The following NUP160 variants were observed in gnomAD, a reference collection of about 807,000 sequenced individuals.
NUP160 encodes the protein nuclear pore complex protein Nup160.
A neutral mutation model predicts 196.9 loss-of-function variants in NUP160; 94 were observed. The ratio of observed to expected loss-of-function variants is 0.48; its 90% confidence interval spans 0.40 to 0.57. The LOEUF (loss-of-function observed/expected upper bound fraction) is 0.57. NUP160 is among the 20% of genes least tolerant of loss of function. The probability of loss-of-function intolerance (pLI) is 0.00; values close to 1 mark genes in which losing one functional copy is unlikely to be tolerated. For synonymous variants in NUP160, 605 were observed against 619.7 expected, an observed-to-expected ratio of 0.98 and a Z score of 0.35; for missense variants, 1,638 against 1,748.3, an observed-to-expected ratio of 0.94 and a Z score of 1.13.
chr11:47,778,766 C>CA (rs2135334010), exon 36 of NUP160: 1 of 192,090 alleles, frequency 5.2e-6, no homozygotes, highest in South Asian at 1.0e-4. Context: ...AACAAGCCAA[C>CA]AACCCTCAGC....
At chr11:47,801,705 G>A in intron 23 of NUP160, 106 bp downstream of exon 23, 1 of 1,071,310 alleles carries the variant, frequency 9.3e-7, no homozygotes. Flanking sequence ...GAAGTTCAGG[G>A]AGCAACTGAA....
At chr11:47,791,601 AAGGT>A (rs1182231999) in intron 29 of NUP160, among the ~76,000 whole-genome samples, 1 of 152,066 alleles carries the variant, frequency 6.6e-6, no homozygotes, top group East Asian at 1.9e-4. Flanking sequence ...TCGGCCTCCC[AAGGT>A]GCTGGGATTA....
At chr11:47,820,321 A>C (rs181877752) in intron 9 of NUP160, 117 of 152,316 alleles carry the variant, frequency 7.7e-4, no homozygotes, top group African/African-American at 2.8e-3. Flanking sequence ...TGTATTTTTA[A>C]CTACCTAAGG....
chr11:47,839,544 A>G (rs576899842), intron 4 of NUP160: 107 of 336,834 alleles, frequency 3.2e-4, no homozygotes, highest in Non-Finnish European at 4.8e-4. Flanking sequence ...AATTAATTTA[A>G]TTATAATGTT....
chr11:47,792,476 T>TA, intron 28 of NUP160: 1 of 277,664 alleles, frequency 3.6e-6, no homozygotes, highest in Non-Finnish European at 6.7e-6. Context: ...AACAATCCTA[T>TA]AAAGTAGATA....
At chr11:47,848,314 G>A (rs1347919681) in exon 1 of NUP160, 2 of 1,613,842 alleles carry the variant, frequency 1.2e-6, no homozygotes, top group African/African-American at 2.7e-5. Context: ...TCCCGCCGCC[G>A]CCATCTTCCC....
At chr11:47,824,142 C>T (rs1851922252) in intron 7 of NUP160, among the ~76,000 whole-genome samples, 1 of 149,292 alleles carries the variant, frequency 6.7e-6, no homozygotes, top group South Asian at 2.1e-4. Flanking sequence ...TTCATAATGG[C>T]TGCAGCATTT....
In NUP160 at chr11:47,814,140, T is replaced by TCAAACAAA. The variant is rs111366014; in HGVS notation, c.1687-733_1687-726dup. On this transcript the variant is annotated intron_variant, in intron 13 of 35. Transcript: ENST00000378460. The stretch of plus-strand genomic sequence containing the variant: ...CTGGGTGACACAGCAAGACCCTGCC[T>TCAAACAAA]CAAACAAACAAACAAACAAACAAAC... Among the ~76,000 whole-genome samples the TCAAACAAA allele has an allele frequency of 2.4e-3, 346 of 144,518 alleles. 3 individuals carry two copies. The highest frequency in any genetic ancestry group is 6.6e-3 in the African/African-American group (258 of 38,962). The allele number at this position is 144,518 out of a possible 152,430, so 94.8% of individuals were successfully genotyped here. A position where few individuals can be genotyped will look rare whatever the true frequency, so the allele number is the denominator to read the frequency against.
chr11:47,786,578 T>C (rs1401609357), intron 31 of NUP160, 24 bp from the exon 32 acceptor site: 5 of 1,449,046 alleles, frequency 3.5e-6, no homozygotes, highest in Non-Finnish European at 4.9e-6. Flanking sequence ...GGTTCCACAC[T>C]TGAAAACTGA....
At chr11:47,806,361 T>C in intron 19 of NUP160, 49 bp from the exon 20 acceptor site, 1 of 1,439,412 alleles carries the variant, frequency 6.9e-7, no homozygotes, top group Non-Finnish European at 9.6e-7. Context: ...AATTATCAAT[T>C]TTCAATTAAA....
intron 6 of NUP160, 27 bp downstream of exon 6, chr11:47,836,860 T>G (rs775011304): frequency 6.8e-6 from 9 of 1,326,676 alleles, no homozygotes; most frequent in Non-Finnish European, 9.8e-6. Context: ...TGTTTTAACT[T>G]ACAGCAACTA....
intron 13 of NUP160, among the ~76,000 whole-genome samples, chr11:47,814,161 CAAACAAAA>C (rs1253670644): frequency 9.5e-4 from 139 of 145,864 alleles, no homozygotes; most frequent in Admixed American, 3.4e-3. Context: ...AACAAACAAA[CAAACAAAA>C]AAAAGAAACA....
intron 7 of NUP160, among the ~76,000 whole-genome samples, chr11:47,830,112 A>C (rs1852044885): frequency 6.6e-6 from 1 of 152,224 alleles, no homozygotes; most frequent in Non-Finnish European, 1.5e-5. Flanking sequence ...ATATGAATAA[A>C]AGTTCACTAT....
In NUP160 at chr11:47,847,902, T is replaced by TA; in HGVS notation, c.259dup (p.Tyr87LeufsTer40). 6.2e-7 allele frequency: 1 copy of TA among 1,614,156 alleles called. No individual in the cohort carries two copies. Among genetic ancestry groups the TA allele is most frequent in the Non-Finnish European group, 8.5e-7 (1 of 1,180,028 alleles). On this transcript the variant is annotated frameshift_variant, in exon 2 of 36. Transcript: ENST00000378460. LOFTEE classifies it high-confidence loss of function. Reference sequence around the variant, plus strand: ...GAACAACTTGCCACTCTCCACGTAGTAAAAGCCTCCCGCGCTTTCACTGTA... The same window carrying TA: ...GAACAACTTGCCACTCTCCACGTAGTAAAAAGCCTCCCGCGCTTTCACTGTA...
Position 47,846,827 on chromosome 11 carries a change from T to C in NUP160, c.314+1021A>G, listed in dbSNP as rs567814961. 1.1e-4 allele frequency among the ~76,000 whole-genome samples: 17 copies of C among 152,296 alleles called. No homozygotes were observed. In the South Asian group the frequency reaches 2.5e-3, roughly 22 times the overall value. On this transcript the variant is annotated intron_variant, in intron 2 of 35. Transcript: ENST00000378460. ...AGTATATTGTGTGTATATTCCTATA[T>C]ACATGAGGTTTGGGCTTCTGATGAT...
At chr11:47,822,759 C>T (rs1364278376) in intron 7 of NUP160, among the ~76,000 whole-genome samples, 1 of 152,134 alleles carries the variant, frequency 6.6e-6, no homozygotes. Flanking sequence ...GTGACGTTCC[C>T]CACCCTGTGG....
At chr11:47,811,314 G>A (rs1482973546) in intron 17 of NUP160, among the ~76,000 whole-genome samples, 1 of 151,978 alleles carries the variant, frequency 6.6e-6, no homozygotes, top group African/African-American at 2.4e-5. Context: ...TTTAAGATCA[G>A]CCTGGTCAAC....
At chr11:47,844,037 A>G (rs1224400019) in intron 2 of NUP160, among the ~76,000 whole-genome samples, 1 of 152,136 alleles carries the variant, frequency 6.6e-6, no homozygotes, top group Non-Finnish European at 1.5e-5. Context: ...CTAACTTCCA[A>G]TTGCTCAAGC....
chr11:47,789,864 T>C (rs2097666891), intron 29 of NUP160, among the ~76,000 whole-genome samples: 1 of 151,860 alleles, frequency 6.6e-6, no homozygotes, highest in Non-Finnish European at 1.5e-5. Flanking sequence ...ACTTAGCTAC[T>C]AATAGCCTAC....
Sources: gnomAD v4.1 joint callset for allele counts (sites outside exome capture counted in the v4.1 genomes callset) on GRCh38, gnomAD v4.1.1 for gene constraint, MANE v1.5 for transcripts, NCBI Gene and HGNC (gene_info 2026-07-23, HGNC 2026-07-21) for gene names.